Variants in THSD4 observed in about 807,000 individuals in gnomAD.
THSD4 encodes the protein thrombospondin type-1 domain-containing protein 4.
THSD4 carries 69 observed loss-of-function variants against 119.0 expected under a neutral mutation model. The ratio of observed to expected loss-of-function variants is 0.58; its 90% CI spans 0.48 to 0.71. The LOEUF (loss-of-function observed/expected upper bound fraction) is 0.71, where lower values mean the gene tolerates loss of function less well. THSD4 is among the 30% of genes least tolerant of loss of function. THSD4 has a pLI of 0.00. For missense variants in THSD4, 1,393 were observed against 1,391.1 expected (o/e 1.00, Z -0.02); for synonymous variants, 524 against 540.4 (o/e 0.97, Z 0.42).
At chr15:71,520,181 T>C (rs1284616153) in intron 7 of THSD4, among the ~76,000 whole-genome samples, 6 of 152,216 alleles carry the variant, frequency 3.9e-5, no homozygotes, top group Admixed American at 3.9e-4. Flanking sequence ...GCATTACTAA[T>C]TTCAGAAGTC....
chr15:71,346,802 A>G (rs543050432), intron 6 of THSD4, among the ~76,000 whole-genome samples: 1 of 151,074 alleles, frequency 6.6e-6, no homozygotes, highest in African/African-American at 2.4e-5. Context: ...TCATCTGTAT[A>G]TTAAAAATTG....
At chr15:71,108,017 C>A (rs2040281229) in intron 1 of THSD4, among the ~76,000 whole-genome samples, 1 of 152,224 alleles carries the variant, frequency 6.6e-6, no homozygotes, top group South Asian at 2.1e-4. Context: ...TCCTAGGAAA[C>A]CTGCGCCCAA....
intron 6 of THSD4, among the ~76,000 whole-genome samples, chr15:71,345,596 A>C: frequency 6.6e-6 from 1 of 152,166 alleles, no homozygotes; most frequent in Non-Finnish European, 1.5e-5. Flanking sequence ...CTGAGTTTTT[A>C]GTGGCTTTTC....
At chr15:71,569,621 A>T (rs939037346) in intron 7 of THSD4, among the ~76,000 whole-genome samples, 9 of 152,188 alleles carry the variant, frequency 5.9e-5, no homozygotes, top group African/African-American at 2.2e-4. Flanking sequence ...CTAACTAGAG[A>T]TGTGTCAAAA....
At chr15:71,197,924 A>G (rs1323413980) in intron 3 of THSD4, among the ~76,000 whole-genome samples, 2 of 152,120 alleles carry the variant, frequency 1.3e-5, no homozygotes, top group Non-Finnish European at 2.9e-5. Flanking sequence ...CCACAAATGG[A>G]AAGGCTCTCA....
chr15:71,355,529 A>C (rs1352350302), intron 6 of THSD4, among the ~76,000 whole-genome samples: 3 of 152,098 alleles, frequency 2.0e-5, no homozygotes, highest in African/African-American at 4.8e-5. Context: ...ACAAGTGTGG[A>C]CCTGTAGCCC....
intron 1 of THSD4, among the ~76,000 whole-genome samples, chr15:71,109,149 A>G (rs1011617330): frequency 1.3e-5 from 2 of 152,232 alleles, no homozygotes; most frequent in Non-Finnish European, 2.9e-5. Context: ...ATGAACACCT[A>G]ATACCAGAGG....
chr15:71,656,671 G>A (rs1995333), intron 7 of THSD4, among the ~76,000 whole-genome samples: 40,916 of 151,982 alleles, frequency 0.27, 6,229 homozygotes, highest in East Asian at 0.69. Flanking sequence ...TTTGACCTCC[G>A]ACTTTTACCT....
chr15:71,426,365 CTG>C (rs199965138), intron 7 of THSD4, among the ~76,000 whole-genome samples: 38,650 of 101,962 alleles, frequency 0.38, 5,166 homozygotes, highest in Non-Finnish European at 0.43. Flanking sequence ...GTAAGTATAG[CTG>C]TGTGTGTGTG....
At chr15:71,149,075 A>G (rs571744096) in intron 2 of THSD4, among the ~76,000 whole-genome samples, 48 of 140,612 alleles carry the variant, frequency 3.4e-4, no homozygotes, top group Non-Finnish European at 5.1e-4. Flanking sequence ...GTCTTGCTCT[A>G]TCACCCAGGC....
chr15:71,617,667 T>C (rs1317488719), intron 7 of THSD4, among the ~76,000 whole-genome samples: 3 of 152,176 alleles, frequency 2.0e-5, no homozygotes, highest in Non-Finnish European at 4.4e-5. Context: ...AAAATACAGA[T>C]GTTATTACCT....
intron 8 of THSD4, among the ~76,000 whole-genome samples, chr15:71,724,068 T>TAAA (rs71154796): frequency 1.4e-3 from 174 of 123,558 alleles, no homozygotes; most frequent in African/African-American, 5.0e-3. Flanking sequence ...TGTCTTTATT[T>TAAA]AAAAAAAAAA....
chr15:71,341,622 C>T (rs978067385), intron 6 of THSD4: 5 of 1,590,016 alleles, frequency 3.1e-6, no homozygotes, highest in Non-Finnish European at 4.3e-6. Context: ...TGAGCAGTTT[C>T]ACGAGTGTTC....
intron 7 of THSD4, among the ~76,000 whole-genome samples, chr15:71,577,840 C>T (rs766750327): frequency 1.1e-4 from 16 of 151,574 alleles, no homozygotes; most frequent in Non-Finnish European, 2.2e-4. Context: ...TCTGCCTCAG[C>T]CTCCCGAGTA....
intron 14 of THSD4, among the ~76,000 whole-genome samples, chr15:71,755,706 C>CAAAAAAAAAAAAAAAAAAAA: frequency 2.0e-5 from 1 of 50,280 alleles, no homozygotes; most frequent in Non-Finnish European, 3.9e-5. Context: ...TCAGCAAAGA[C>CAAAAAAAAAAAAAAAAAAAA]AAAAAAAAAA....
At chr15:71,590,813 C>T (rs1184832589) in intron 7 of THSD4, among the ~76,000 whole-genome samples, 1 of 151,866 alleles carries the variant, frequency 6.6e-6, no homozygotes, top group Non-Finnish European at 1.5e-5. Context: ...ACCATCCTGG[C>T]TAACACGGTG....
At chr15:71,220,288 A>G (rs1418026522) in intron 4 of THSD4, among the ~76,000 whole-genome samples, 2 of 152,162 alleles carry the variant, frequency 1.3e-5, no homozygotes. Flanking sequence ...AATAAATAGA[A>G]TTTACTTAGC....
chr15:71,751,011 C>A (rs1448767152), intron 14 of THSD4, among the ~76,000 whole-genome samples: 2 of 152,214 alleles, frequency 1.3e-5, no homozygotes, highest in African/African-American at 4.8e-5. Flanking sequence ...CAGACAATTA[C>A]ATCTATTTCT....
intron 7 of THSD4, among the ~76,000 whole-genome samples, chr15:71,626,170 A>C (rs903730492): frequency 1.3e-5 from 2 of 152,160 alleles, no homozygotes; most frequent in African/African-American, 4.8e-5. Context: ...AGAGACGTAC[A>C]ATTTATGGTA....
Sources: gnomAD v4.1 joint callset for allele counts (sites outside exome capture counted in the v4.1 genomes callset) on GRCh38, gnomAD v4.1.1 for gene constraint, MANE v1.5 for transcripts, NCBI Gene and HGNC (gene_info 2026-07-23, HGNC 2026-07-21) for gene names.